SLC34A1: variants seen among roughly 807,000 people sequenced by gnomAD.
The protein encoded by SLC34A1 is sodium-dependent phosphate transport protein 2A.
A neutral mutation model predicts 51.4 loss-of-function variants in SLC34A1; 57 were observed. The observed-to-expected ratio is 1.11, with a 90% confidence interval of 0.90 to 1.38. The LOEUF is 1.38. Among genes scored for constraint, SLC34A1 ranks in the 40% most tolerant of loss-of-function variants. The probability of loss-of-function intolerance (pLI) is 0.00; values close to 1 mark genes in which losing one functional copy is unlikely to be tolerated. For synonymous variants in SLC34A1, 368 were observed against 358.0 expected (o/e 1.03, Z -0.32); for missense variants, 796 against 835.6 (o/e 0.95, Z 0.58).
chr5:177,391,401 C>T (rs1476162660), intron 8 of SLC34A1, among the ~76,000 whole-genome samples: 3 of 152,204 alleles, frequency 2.0e-5, no homozygotes, highest in Non-Finnish European at 4.4e-5. Flanking sequence ...CTCTGCCAGC[C>T]CTAAGTTGGG....
chr5:177,386,806 A>G lies in SLC34A1; in HGVS notation c.532+240A>G, dbSNP rs1762591985. On this transcript the variant is annotated intron_variant, in intron 5 of 12. Transcript: ENST00000324417. The surrounding 1 kb of genome is among the most constrained non-coding windows in gnomAD (Gnocchi z 4.8). ...AAGTCAGGAATCCGTAGGCCAGGGC[A>G]TTGGAAGGGCAGGCGGGAACTCTCA... 6.6e-6 allele frequency among the ~76,000 whole-genome samples: 1 copy of G among 151,858 alleles called. No individual in the cohort carries two copies. Among genetic ancestry groups the G allele is most frequent in the African/African-American group, 2.4e-5 (1 of 41,326 alleles).
chr5:177,393,070 C>T (rs1762856064), intron 8 of SLC34A1, among the ~76,000 whole-genome samples: 2 of 152,166 alleles, frequency 1.3e-5, no homozygotes, highest in South Asian at 4.1e-4. Flanking sequence ...AAACTCTCCC[C>T]ACCTCTTCCA....
chr5:177,397,510 T>G, intron 12 of SLC34A1: 1 of 566,120 alleles, frequency 1.8e-6, no homozygotes, highest in Non-Finnish European at 3.2e-6. Context: ...TTTGGCAGTA[T>G]CTGCTGGGGG....
chr5:177,390,380 G>A, intron 8 of SLC34A1: 1 of 985,420 alleles, frequency 1.0e-6, no homozygotes, highest in Non-Finnish European at 1.2e-6. Context: ...CATCTTTTGA[G>A]GACTTGCAAC....
At position 177,386,168 on chromosome 5, in the gene SLC34A1, A is replaced by C; in HGVS notation, c.259+32A>C. On this transcript the variant is annotated intron_variant, in intron 3 of 12. Transcript: ENST00000324417. The surrounding 1 kb of genome is among the most constrained non-coding windows in gnomAD (Gnocchi z 4.8). ...CTGGGCTGGGGGTGGCAGAGGCGGC[A>C]GCAGTCCCTGCCCTGGCCTCTGCCC... 6.2e-7 allele frequency: 1 copy of C among 1,613,712 alleles called. No homozygotes were observed. The highest frequency in any genetic ancestry group is 8.5e-7 in the Non-Finnish European group (1 of 1,179,872).
rs766585195 is a variant in SLC34A1 at position 177,385,801 on chromosome 5, G to A, written c.60G>A (p.Gly20=). The A allele has an allele frequency of 4.0e-5, 64 of 1,613,286 alleles. No individual in the cohort carries two copies. The Admixed American group carries it at 9.8e-4, about 25-fold the overall frequency. Residue 20 remains glycine (G), a synonymous_variant, in exon 2 of 13, where the codon GGG becomes GGA. Coordinates refer to ENST00000324417, the MANE Select transcript of SLC34A1 (RefSeq NM_003052.5). The part of the protein sequence containing the change: ...SPAVSPLPVR[G]GHVMRGTAFA... ...CTGTCTCCCCACTCCCAGTCCGTGG[G>A]GGGCATGTGATGCGAGGGACGGCCT...
chr5:177,392,923 G>A (rs1762852412), intron 8 of SLC34A1, among the ~76,000 whole-genome samples: 1 of 152,204 alleles, frequency 6.6e-6, no homozygotes, highest in Admixed American at 6.5e-5. Flanking sequence ...GGCCCAGATT[G>A]GGAGATTTCA....
rs200095793 is a variant in SLC34A1, at chr5:177,393,764, G to T, written c.1006+1G>T. Reference sequence around the variant, plus strand: ...CTTGGAAATGCCACCATGGAGAAATGTAAGTGCCTGCAACATGGGAGGTGT... The same window carrying T: ...CTTGGAAATGCCACCATGGAGAAATTTAAGTGCCTGCAACATGGGAGGTGT... On this transcript the variant is annotated splice_donor_variant, in intron 9 of 12. Coordinates refer to ENST00000324417, the MANE Select transcript of SLC34A1 (RefSeq NM_003052.5). LOFTEE classifies it high-confidence loss of function. The T allele has an allele frequency of 4.3e-6, 7 of 1,614,180 alleles. No homozygotes were observed. Among genetic ancestry groups the T allele is most frequent in the Middle Eastern group, 1.6e-4 (1 of 6,062 alleles).
intron 12 of SLC34A1, 72 bp from the exon 13 acceptor site, chr5:177,397,711 C>T: frequency 6.3e-7 from 1 of 1,584,788 alleles, no homozygotes; most frequent in Non-Finnish European, 8.6e-7. Flanking sequence ...TTCCTATCAT[C>T]TACCCCTGCT....
Position 177,398,304 on chromosome 5 carries a change from C to T in SLC34A1, c.*18C>T. 6.3e-7 allele frequency: 1 copy of T among 1,599,174 alleles called. No homozygotes were observed. On this transcript the variant is annotated 3_prime_UTR_variant, in exon 13 of 13. Transcript: ENST00000324417. The surrounding 1 kb of genome is among the most constrained non-coding windows in gnomAD (Gnocchi z 4.7). Reference sequence around the variant, plus strand: ...GCCTCTAGGCTGTGGGCCCAGACTACAGCCTGGAATGGGGAAGGCCTGGGG... The same window carrying T: ...GCCTCTAGGCTGTGGGCCCAGACTATAGCCTGGAATGGGGAAGGCCTGGGG...
chr5:177,398,428 C>A lies in SLC34A1; in HGVS notation c.*142C>A. ...TTCTGTAGCTCCGCAAAGCTCTGGG[C>A]TTGTGTGAGAGTGTCGGTGTGTGTG... On this transcript the variant is annotated 3_prime_UTR_variant, in exon 13 of 13. Transcript: ENST00000324417. This position sits in a 1 kb window ranked among gnomAD's most constrained non-coding sequence, Gnocchi z 4.7. 1 of 979,078 alleles carries A rather than the reference C, an allele frequency of 1.0e-6. No individual in the cohort carries two copies. Among genetic ancestry groups the A allele is most frequent in the Non-Finnish European group, 1.6e-6 (1 of 619,018 alleles). The allele number at this position is 979,078 out of a possible 1,614,324, so 60.6% of individuals were successfully genotyped here.
chr5:177,397,796 ACTTCTT>A lies in SLC34A1; in HGVS notation c.1435_1440del (p.Phe479_Phe480del). The A allele has an allele frequency of 1.2e-6, 2 of 1,610,552 alleles. No individual in the cohort carries two copies. The highest frequency in any genetic ancestry group is 1.1e-5 in the South Asian group (1 of 91,072). On this transcript the variant is annotated inframe_deletion, in exon 13 of 13. Coordinates refer to ENST00000324417, the MANE Select transcript of SLC34A1 (RefSeq NM_003052.5). ...CATCCCCTGCAGATTGCCCTCTGTC[ACTTCTT>A]CTTCAACATCTCGGGTATCCTTCTG... is the stretch of plus-strand genomic sequence containing the variant.
Position 177,388,457 on chromosome 5 carries a change from C to A in SLC34A1, c.936+85C>A. On this transcript the variant is annotated intron_variant, in intron 8 of 12. Transcript: ENST00000324417. The surrounding 1 kb of genome is among the most constrained non-coding windows in gnomAD (Gnocchi z 4.3). ...GTCTGTTCAAAATGCTCCAGATAGACCTTGAAGATCATTTAGCCAGGAGAG... is the reference window on the plus strand; with the variant it reads ...GTCTGTTCAAAATGCTCCAGATAGAACTTGAAGATCATTTAGCCAGGAGAG... The A allele has an allele frequency of 8.5e-7, 1 of 1,178,474 alleles. No individual in the cohort carries two copies. The highest frequency in any genetic ancestry group is 1.3e-6 in the Non-Finnish European group (1 of 794,944). 73.0% of individuals were successfully genotyped at this position (1,178,474 alleles called of 1,614,324 possible).
At chr5:177,394,458 C>G (rs975930959) in intron 10 of SLC34A1, among the ~76,000 whole-genome samples, 2 of 152,184 alleles carry the variant, frequency 1.3e-5, no homozygotes, top group African/African-American at 2.4e-5. Flanking sequence ...ACTTAAGCCC[C>G]CATTGTGTGA....
intron 12 of SLC34A1, 199 bp from the exon 13 acceptor site, chr5:177,397,584 T>G (rs1382099598): frequency 7.6e-6 from 5 of 660,628 alleles, no homozygotes; most frequent in Non-Finnish European, 1.3e-5. Flanking sequence ...ATTTACCAAC[T>G]GGTCTAGAAG....
chr5:177,393,424 G>A (rs1435951992), intron 8 of SLC34A1, among the ~76,000 whole-genome samples: 1 of 152,084 alleles, frequency 6.6e-6, no homozygotes, highest in Non-Finnish European at 1.5e-5. Context: ...GGAAAAGAAA[G>A]ACAGGAAGCC....
chr5:177,398,842 T>G lies in SLC34A1; in HGVS notation c.*556T>G, dbSNP rs1411175921. On this transcript the variant is annotated 3_prime_UTR_variant, in exon 13 of 13. Transcript: ENST00000324417. The surrounding 1 kb of genome is among the most constrained non-coding windows in gnomAD (Gnocchi z 4.7). The stretch of plus-strand genomic sequence containing the variant: ...AAAAACAAAGGAATTAAAACTCTCC[T>G]CAGGCATTCGGAAGTCTTTTTGCTC... The G allele has an allele frequency of 6.2e-6, 1 of 161,186 alleles. No homozygotes were observed. Among genetic ancestry groups the G allele is most frequent in the Non-Finnish European group, 1.4e-5 (1 of 72,190 alleles). 10.0% of individuals were successfully genotyped at this position (161,186 alleles called of 1,614,324 possible). A position where few individuals can be genotyped will look rare whatever the true frequency, so the allele number is the denominator to read the frequency against.
In SLC34A1 at chr5:177,396,423, C is replaced by T. The variant is rs1244407501; in HGVS notation, c.1175-310C>T. Among the ~76,000 whole-genome samples, 1 of 151,432 alleles carries T rather than the reference C, an allele frequency of 6.6e-6. No individual in the cohort carries two copies. The highest frequency in any genetic ancestry group is 2.4e-5 in the African/African-American group (1 of 41,192). On this transcript the variant is annotated intron_variant, in intron 10 of 12. Coordinates refer to ENST00000324417, the MANE Select transcript of SLC34A1 (RefSeq NM_003052.5). This position sits in a 1 kb window ranked among gnomAD's most constrained non-coding sequence, Gnocchi z 4.0. ...TGGAGGTCGTCTCTCCCAGTGCCCC[C>T]GCGGAGATCCGCTCTCCCAGTGCCC...
chr5:177,393,816 A>C, intron 9 of SLC34A1, 53 bp downstream of exon 9: 1 of 1,584,742 alleles, frequency 6.3e-7, no homozygotes, highest in South Asian at 1.1e-5. Flanking sequence ...AGAGCCTAGC[A>C]GTGGCAGGGC....
Sources: allele counts gnomAD v4.1 joint callset (sites outside exome capture counted in the v4.1 genomes callset), GRCh38; gene constraint gnomAD v4.1.1; non-coding constraint Gnocchi (gnomAD v3.1); transcripts MANE v1.5; gene names NCBI Gene and HGNC (gene_info 2026-07-23, HGNC 2026-07-21).